PRKAG2: variants seen among roughly 807,000 people sequenced by gnomAD.
PRKAG2 encodes 5'-AMP-activated protein kinase subunit gamma-2.
In PRKAG2, 26 loss-of-function variants were observed where a neutral mutation model predicts 69.6. That is an observed-to-expected ratio of 0.37 (90% CI 0.27 to 0.52). The LOEUF is 0.52. Ranked by LOEUF, PRKAG2 falls within the 20% of genes least tolerant of loss-of-function variation. The probability of loss-of-function intolerance (pLI) is 0.90; values close to 1 mark genes in which losing one functional copy is unlikely to be tolerated. For synonymous variants in PRKAG2, 293 were observed against 285.0 expected (o/e 1.03, Z -0.28); for missense variants, 557 against 740.0 (o/e 0.75, Z 2.87).
chr7:151,588,883 C>T (rs765982064), intron 6 of PRKAG2, among the ~76,000 whole-genome samples: 2 of 152,190 alleles, frequency 1.3e-5, no homozygotes, highest in East Asian at 3.9e-4. Context: ...CTAACTGATA[C>T]CTATCTTTCT....
In PRKAG2 at chr7:151,807,143, C is replaced by G; in HGVS notation, c.115-20602G>C. On this transcript the variant is annotated intron_variant, in intron 1 of 15. Coordinates refer to ENST00000287878, the MANE Select transcript of PRKAG2 (RefSeq NM_016203.4). This position sits in a 1 kb window ranked among gnomAD's most constrained non-coding sequence, Gnocchi z 4.4. ...AGTGGTGGAAATGTTCCAGATCACA[C>G]TGTGGCGGTGGTCACATGACTGTGC... The G allele has an allele frequency of 2.7e-6, 1 of 374,204 alleles. No individual in the cohort carries two copies. The highest frequency in any genetic ancestry group is 5.3e-6 in the Non-Finnish European group (1 of 189,416). The allele number at this position is 374,204 out of a possible 1,614,324, so 23.2% of individuals were successfully genotyped here. A position where few individuals can be genotyped will look rare whatever the true frequency, so the allele number is the denominator to read the frequency against.
intron 3 of PRKAG2, among the ~76,000 whole-genome samples, chr7:151,684,798 T>C (rs1297752573): frequency 4.6e-5 from 7 of 152,058 alleles, no homozygotes; most frequent in Admixed American, 2.6e-4. Context: ...CTCCAGGCAG[T>C]CCTGGCCATA....
chr7:151,602,281 G>C (rs60819347), intron 5 of PRKAG2, among the ~76,000 whole-genome samples: 6,827 of 152,222 alleles, frequency 0.045, 497 homozygotes, highest in African/African-American at 0.16. Context: ...TCAAGAGGGA[G>C]GCTAAGTATA....
chr7:151,596,267 A>G (rs1045880795), intron 5 of PRKAG2, among the ~76,000 whole-genome samples: 4 of 152,246 alleles, frequency 2.6e-5, no homozygotes, highest in East Asian at 1.9e-4. Flanking sequence ...TAAATTCAGT[A>G]AAGTTACAAG....
chr7:151,876,408 C>A (rs944136048), intron 1 of PRKAG2, 99 bp downstream of exon 1: 13 of 1,212,808 alleles, frequency 1.1e-5, no homozygotes, highest in Non-Finnish European at 1.6e-5. Context: ...AGGAGGGGCA[C>A]GCACGGCGCG....
At chr7:151,568,137 G>C (rs1220200959) in intron 11 of PRKAG2, among the ~76,000 whole-genome samples, 1 of 152,072 alleles carries the variant, frequency 6.6e-6, no homozygotes, top group Non-Finnish European at 1.5e-5. Flanking sequence ...AACCAAACAG[G>C]CTCAAAGTTC....
Position 151,572,766 on chromosome 7 carries a change from T to C in PRKAG2, c.1006-57A>G. 3 of 1,116,766 alleles carry C rather than the reference T, an allele frequency of 2.7e-6. No individual in the cohort carries two copies. The South Asian group carries it at 4.5e-5, about 17-fold the overall frequency. 69.2% of individuals were successfully genotyped at this position (1,116,766 alleles called of 1,614,324 possible). A position where few individuals can be genotyped will look rare whatever the true frequency, so the allele number is the denominator to read the frequency against. On this transcript the variant is annotated intron_variant, in intron 8 of 15. Transcript: ENST00000287878. The stretch of plus-strand genomic sequence containing the variant: ...TACATATACAACATAGAAAAAATAT[T>C]TGGAAAATGAAACAAAACATAGCTT...
chr7:151,580,477 T>C (rs1810123917), intron 6 of PRKAG2, among the ~76,000 whole-genome samples: 1 of 152,152 alleles, frequency 6.6e-6, no homozygotes, highest in Non-Finnish European at 1.5e-5. Context: ...CAATACTGCA[T>C]AAAGCCAGAG....
At chr7:151,798,749 G>T (rs528499916) in intron 1 of PRKAG2, among the ~76,000 whole-genome samples, 1 of 152,348 alleles carries the variant, frequency 6.6e-6, no homozygotes, top group Admixed American at 6.5e-5. Context: ...GGTGTCACCA[G>T]AAGTGTGGAG....
intron 3 of PRKAG2, among the ~76,000 whole-genome samples, chr7:151,779,430 CA>C (rs2076561732): frequency 6.6e-6 from 1 of 152,220 alleles, no homozygotes; most frequent in African/African-American, 2.4e-5. Flanking sequence ...CTCCCACCCC[CA>C]TGGAGGGCTC....
intron 5 of PRKAG2, among the ~76,000 whole-genome samples, chr7:151,621,840 G>A (rs1363130408): frequency 6.6e-6 from 1 of 152,182 alleles, no homozygotes; most frequent in Non-Finnish European, 1.5e-5. Flanking sequence ...CTCCCGAAGT[G>A]CTGGGATTAC....
At chr7:151,830,290 C>A (rs75521567) in intron 1 of PRKAG2, among the ~76,000 whole-genome samples, 2 of 151,538 alleles carry the variant, frequency 1.3e-5, no homozygotes, top group South Asian at 2.1e-4. Flanking sequence ...GCCACCTGCA[C>A]GGGCCAGAGC....
At chr7:151,811,048 C>T (rs1020301741) in intron 1 of PRKAG2, among the ~76,000 whole-genome samples, 2 of 152,140 alleles carry the variant, frequency 1.3e-5, no homozygotes, top group African/African-American at 2.4e-5. Flanking sequence ...CCAGCTAGGA[C>T]AGGTGGGATT....
intron 1 of PRKAG2, among the ~76,000 whole-genome samples, chr7:151,861,446 T>G (rs1471015455): frequency 1.4e-5 from 2 of 143,888 alleles, no homozygotes; most frequent in Non-Finnish European, 3.0e-5. Flanking sequence ...AAGAATTGGT[T>G]GAACCCGGGA....
At chr7:151,760,997 G>A (rs1459738539) in intron 3 of PRKAG2, among the ~76,000 whole-genome samples, 2 of 152,182 alleles carry the variant, frequency 1.3e-5, no homozygotes, top group East Asian at 3.8e-4. Context: ...CTACAATAAC[G>A]AACAGTTAGT....
chr7:151,769,722 G>A (rs892091030), intron 3 of PRKAG2, among the ~76,000 whole-genome samples: 2 of 152,156 alleles, frequency 1.3e-5, no homozygotes, highest in South Asian at 2.1e-4. Context: ...ATGAAGGCAC[G>A]GATGCTGCAG....
chr7:151,795,871 AT>A lies in PRKAG2; in HGVS notation c.115-9331del, dbSNP rs1563689560. ...CATATATATATATATATATATATAT[AT>A]ATATATATATATATATATCACGATA... On this transcript the variant is annotated intron_variant, in intron 1 of 15. Coordinates refer to ENST00000287878, the MANE Select transcript of PRKAG2 (RefSeq NM_016203.4). Among the ~76,000 whole-genome samples, 15 of 114,178 alleles carry A rather than the reference AT, an allele frequency of 1.3e-4. 1 individual carries two copies. The highest frequency in any genetic ancestry group is 4.6e-4 in the African/African-American group (13 of 28,000). 74.9% of individuals were successfully genotyped at this position (114,178 alleles called of 152,430 possible).
At chr7:151,701,076 A>G (rs1837608753) in intron 3 of PRKAG2, among the ~76,000 whole-genome samples, 1 of 152,182 alleles carries the variant, frequency 6.6e-6, no homozygotes, top group East Asian at 1.9e-4. Flanking sequence ...CAGGCACAAG[A>G]GTCCACCCCC....
chr7:151,797,426 G>A (rs1011632921), intron 1 of PRKAG2, among the ~76,000 whole-genome samples: 2 of 152,272 alleles, frequency 1.3e-5, no homozygotes, highest in African/African-American at 4.8e-5. Flanking sequence ...GACCTTGTGT[G>A]AGAGAGGACA....
Sources: allele counts gnomAD v4.1 joint callset (sites outside exome capture counted in the v4.1 genomes callset), GRCh38; gene constraint gnomAD v4.1.1; non-coding constraint Gnocchi (gnomAD v3.1); transcripts MANE v1.5; gene names NCBI Gene and HGNC (gene_info 2026-07-23, HGNC 2026-07-21).